The following CSNK1A1 variants were observed in gnomAD, a reference collection of about 807,000 sequenced individuals.
The protein encoded by CSNK1A1 is casein kinase 1 alpha 1.
CSNK1A1 carries 7 observed loss-of-function variants against 46.1 expected under a neutral mutation model. The ratio of observed to expected loss-of-function variants is 0.15; its 90% CI spans 0.09 to 0.29. CSNK1A1 has a LOEUF of 0.29. Among genes scored for constraint, CSNK1A1 ranks in the 10% least tolerant of loss-of-function variants. CSNK1A1 has a pLI of 1.00. For synonymous variants in CSNK1A1, 137 were observed against 141.5 expected (o/e 0.97, Z 0.23); for missense variants, 96 against 417.1 (o/e 0.23, Z 6.71).
chr5:149,539,231 C>A (rs995575818), intron 2 of CSNK1A1, among the ~76,000 whole-genome samples: 2 of 151,864 alleles, frequency 1.3e-5, no homozygotes, highest in African/African-American at 4.8e-5. Context: ...TGAATTAATT[C>A]TAAGAGGAAA....
chr5:149,501,540 A>G (rs1291652750), intron 9 of CSNK1A1: 1 of 984,924 alleles, frequency 1.0e-6, no homozygotes, highest in Non-Finnish European at 1.2e-6. Context: ...TCAATATGAT[A>G]GAAAAATAAT....
At chr5:149,498,386 GTTA>G (rs1363768285) in intron 9 of CSNK1A1, 1 of 985,228 alleles carries the variant, frequency 1.0e-6, no homozygotes, top group Non-Finnish European at 1.2e-6. Flanking sequence ...TTTGATGCAT[GTTA>G]TTAAGAAGTA....
At position 149,548,917 on chromosome 5, in the gene CSNK1A1, G is replaced by A. The variant is rs189465696; in HGVS notation, c.230+1158C>T. Among the ~76,000 whole-genome samples the A allele has an allele frequency of 4.9e-4, 75 of 152,300 alleles. 1 individual carries two copies. Among genetic ancestry groups the A allele is most frequent in the African/African-American group, 1.7e-3 (69 of 41,566 alleles). On this transcript the variant is annotated intron_variant, in intron 2 of 9. Coordinates refer to ENST00000377843, the MANE Select transcript of CSNK1A1 (RefSeq NM_001892.6). ...ACCTATTCTGAATAATTTTGCAAAT[G>A]TTATTTTAGATTATTGCTGGAAAAT...
intron 3 of CSNK1A1, among the ~76,000 whole-genome samples, chr5:149,524,047 T>C (rs763370218): frequency 6.6e-6 from 1 of 152,168 alleles, no homozygotes; most frequent in Non-Finnish European, 1.5e-5. Flanking sequence ...TGAAAGAAGC[T>C]CACAGTGATG....
chr5:149,501,402 G>A, intron 9 of CSNK1A1: 1 of 985,450 alleles, frequency 1.0e-6, no homozygotes, highest in Non-Finnish European at 1.2e-6. Flanking sequence ...ATGTGGGTGT[G>A]CTGCTGAGTG....
intron 9 of CSNK1A1, chr5:149,499,304 AAGGGGAGGGGG>A: frequency 3.6e-5 from 24 of 658,654 alleles, no homozygotes; most frequent in South Asian, 9.1e-5. Context: ...CTTAAAAAAA[AAGGGGAGGGGG>A]AGGGGGGAGT....
Position 149,525,222 on chromosome 5 carries a change from T to C in CSNK1A1, c.231-51A>G. The stretch of plus-strand genomic sequence containing the variant: ...GATATTACAAAAAGCTATTACTTAA[T>C]ATCATCAACCCTAAGAATAATATAG... On this transcript the variant is annotated intron_variant, in intron 2 of 9. Transcript: ENST00000377843. This position sits in a 1 kb window ranked among gnomAD's most constrained non-coding sequence, Gnocchi z 4.2. 6.7e-7 allele frequency: 1 copy of C among 1,500,966 alleles called. No individual in the cohort carries two copies. The highest frequency in any genetic ancestry group is 8.9e-7 in the Non-Finnish European group (1 of 1,119,076). 93.0% of individuals were successfully genotyped at this position (1,500,966 alleles called of 1,614,324 possible).
At chr5:149,519,980 TTGTG>T (rs1761518247) in intron 4 of CSNK1A1, among the ~76,000 whole-genome samples, 2 of 152,208 alleles carry the variant, frequency 1.3e-5, no homozygotes, top group African/African-American at 4.8e-5. Context: ...TTTGCTATTT[TTGTG>T]AATGAAAAAT....
intron 9 of CSNK1A1, chr5:149,503,798 C>G: frequency 1.0e-6 from 1 of 985,332 alleles, no homozygotes; most frequent in Non-Finnish European, 1.2e-6. Context: ...GTAATTCTTT[C>G]TGAAATCTGC....
Position 149,538,014 on chromosome 5 carries a change from GTTTTTTTTTTT to G in CSNK1A1, c.230+12050_230+12060del, listed in dbSNP as rs890909710. On this transcript the variant is annotated intron_variant, in intron 2 of 9. Transcript: ENST00000377843. ...TTGTCTGTTCAATGAAGTGTGCCCA[GTTTTTTTTTTT>G]TTTTTTTTTTTTTTGAGACGGAGTT... Among the ~76,000 whole-genome samples the G allele has an allele frequency of 4.3e-4, 37 of 85,738 alleles. No homozygotes were observed. The East Asian group carries it at 0.013, about 31-fold the overall frequency. The allele number at this position is 85,738 out of a possible 152,430, so 56.2% of individuals were successfully genotyped here. A position where few individuals can be genotyped will look rare whatever the true frequency, so the allele number is the denominator to read the frequency against.
chr5:149,497,408 G>C, intron 9 of CSNK1A1: 1 of 985,726 alleles, frequency 1.0e-6, no homozygotes. Flanking sequence ...TTTACCGGCC[G>C]CATTAGAAAG....
intron 7 of CSNK1A1, among the ~76,000 whole-genome samples, chr5:149,507,660 T>C (rs1368679590): frequency 1.3e-5 from 2 of 152,036 alleles, no homozygotes; most frequent in Admixed American, 6.6e-5. Flanking sequence ...GACAGGGTTT[T>C]GTCAGATTGC....
intron 2 of CSNK1A1, among the ~76,000 whole-genome samples, chr5:149,544,086 AC>A (rs1240679050): frequency 6.6e-6 from 1 of 152,196 alleles, no homozygotes; most frequent in Admixed American, 6.5e-5. Context: ...TAAGTAGGGA[AC>A]CCTTGTTCAA....
chr5:149,524,241 T>A (rs1220127356), intron 3 of CSNK1A1, among the ~76,000 whole-genome samples: 4 of 152,160 alleles, frequency 2.6e-5, no homozygotes, highest in African/African-American at 9.6e-5. Context: ...AAACCCTCCA[T>A]TATATTTTTA....
intron 9 of CSNK1A1, 70 bp downstream of exon 9, chr5:149,505,377 T>A: frequency 1.9e-6 from 3 of 1,561,880 alleles, no homozygotes; most frequent in Non-Finnish European, 1.7e-6. Context: ...TCTAACACTG[T>A]TAGAAATGAA....
chr5:149,496,691 C>T lies in CSNK1A1; in HGVS notation c.*162G>A. ...AACTCAGGATACAGCATCACCAATG[C>T]TGCCCAGAGTCAGTTTATACTGAAA... On this transcript the variant is annotated 3_prime_UTR_variant, in exon 10 of 10. Coordinates refer to ENST00000377843, the MANE Select transcript of CSNK1A1 (RefSeq NM_001892.6). 2 of 860,828 alleles carry T rather than the reference C, an allele frequency of 2.3e-6. No homozygotes were observed. The highest frequency in any genetic ancestry group is 1.7e-6 in the Non-Finnish European group (1 of 590,348). The allele number at this position is 860,828 out of a possible 1,614,324, so 53.3% of individuals were successfully genotyped here.
chr5:149,545,091 G>A (rs1197893079), intron 2 of CSNK1A1, among the ~76,000 whole-genome samples: 3 of 144,242 alleles, frequency 2.1e-5, no homozygotes, highest in African/African-American at 7.5e-5. Flanking sequence ...GACAGAGCAA[G>A]ACTCCATCTC....
chr5:149,548,480 T>G (rs1762549254), intron 2 of CSNK1A1, among the ~76,000 whole-genome samples: 1 of 151,994 alleles, frequency 6.6e-6, no homozygotes, highest in South Asian at 2.1e-4. Flanking sequence ...GGCAGGAGGA[T>G]CACTTGAACC....
rs1761434498 is a variant in CSNK1A1 at position 149,517,389 on chromosome 5, T to C, written c.456+2901A>G. Among the ~76,000 whole-genome samples the C allele has an allele frequency of 6.6e-6, 1 of 152,220 alleles. No individual in the cohort carries two copies. The highest frequency in any genetic ancestry group is 2.4e-5 in the African/African-American group (1 of 41,470). On this transcript the variant is annotated intron_variant, in intron 4 of 9. Coordinates refer to ENST00000377843, the MANE Select transcript of CSNK1A1 (RefSeq NM_001892.6). The surrounding 1 kb of genome is among the most constrained non-coding windows in gnomAD (Gnocchi z 4.4). Reference sequence around the variant, plus strand: ...GAGGTGAGGTAGAATATATTCATTATACAGCACTAATGAACTGAATTTAAA... The same window carrying C: ...GAGGTGAGGTAGAATATATTCATTACACAGCACTAATGAACTGAATTTAAA...
Sources: gnomAD v4.1 joint callset for allele counts (sites outside exome capture counted in the v4.1 genomes callset) on GRCh38, gnomAD v4.1.1 for gene constraint, Gnocchi (gnomAD v3.1) non-coding constraint, MANE v1.5 for transcripts, NCBI Gene and HGNC (gene_info 2026-07-23, HGNC 2026-07-21) for gene names.